The following OAS3 variants were observed in gnomAD, a reference collection of about 807,000 sequenced individuals.
OAS3 encodes the protein 2'-5'-oligoadenylate synthetase 3.
OAS3 carries 107 observed loss-of-function variants against 113.0 expected under a neutral mutation model. The observed-to-expected ratio is 0.95, with a 90% CI of 0.81 to 1.11. OAS3 has a LOEUF of 1.11. OAS3 is among the 50% of genes most tolerant of loss of function. The probability of loss-of-function intolerance (pLI) is 0.00; values close to 1 mark genes in which losing one functional copy is unlikely to be tolerated. For missense variants in OAS3, 1,258 were observed against 1,389.1 expected (o/e 0.91, Z 1.50); for synonymous variants, 552 against 573.6 (o/e 0.96, Z 0.54).
At chr12:112,962,529 C>T (rs2043896268) in intron 8 of OAS3, 123 bp from the exon 9 acceptor site, 1 of 1,196,972 alleles carries the variant, frequency 8.4e-7, no homozygotes, top group Non-Finnish European at 1.2e-6. Context: ...TGAGAAGCAT[C>T]AGCAAGTTTC....
chr12:112,963,001 G>C lies in OAS3; in HGVS notation c.2084+99G>C. On this transcript the variant is annotated intron_variant, in intron 9 of 15. Transcript: ENST00000228928. This position sits in a 1 kb window ranked among gnomAD's most constrained non-coding sequence, Gnocchi z 4.6. ...AGGAGGAGTCCAAGGTAGGGTTTGG[G>C]GTGGCAATCCCACTCCTCACTCTGC... 6.6e-7 allele frequency: 1 copy of C among 1,517,206 alleles called. No homozygotes were observed. The highest frequency in any genetic ancestry group is 9.0e-7 in the Non-Finnish European group (1 of 1,115,650). The allele number at this position is 1,517,206 out of a possible 1,614,324, so 94.0% of individuals were successfully genotyped here.
At chr12:112,950,628 G>T (rs902018107) in intron 6 of OAS3, 65 bp from the exon 7 acceptor site, 3 of 1,566,218 alleles carry the variant, frequency 1.9e-6, no homozygotes, top group Non-Finnish European at 2.6e-6. Flanking sequence ...CGCAGGTGAT[G>T]GGATCGTAGT....
At position 112,969,896 on chromosome 12, in the gene OAS3, G is replaced by A. The variant is rs45465802; in HGVS notation, c.3253-66G>A. The A allele has an allele frequency of 3.9e-3, 6,166 of 1,595,090 alleles. 419 individuals carry two copies. The Admixed American group carries it at 0.1, about 26-fold the overall frequency. On this transcript the variant is annotated intron_variant, in intron 15 of 15. Transcript: ENST00000228928. ...CCCCTGTGCTTCCATTTTCCCATCC[G>A]GCTGTGTGGTCTCAGCTTCTGCAGA...
At chr12:112,943,560 A>G (rs2043699710) in intron 2 of OAS3, among the ~76,000 whole-genome samples, 3 of 152,280 alleles carry the variant, frequency 2.0e-5, no homozygotes, top group South Asian at 4.1e-4. Context: ...CCTCCATCGC[A>G]TGCTGGCTGT....
intron 8 of OAS3, 50 bp from the exon 9 acceptor site, chr12:112,962,602 C>G (rs2043896818): frequency 1.3e-6 from 2 of 1,594,458 alleles, no homozygotes; most frequent in Non-Finnish European, 1.7e-6. Context: ...TGGCCACACT[C>G]AGCTCACATC....
At position 112,942,129 on chromosome 12, in the gene OAS3, T is replaced by C. The variant is rs568143842; in HGVS notation, c.460+277T>C. The C allele has an allele frequency of 5.2e-6, 3 of 578,978 alleles. No homozygotes were observed. The East Asian group carries it at 8.3e-5, about 16-fold the overall frequency. 35.9% of individuals were successfully genotyped at this position (578,978 alleles called of 1,614,324 possible). A position where few individuals can be genotyped will look rare whatever the true frequency, so the allele number is the denominator to read the frequency against. ...CTCAGCCACTGCCTGGAGCGGTTACTGCTCAGCCCTTCCACAAATACTCCC... is the reference window on the plus strand; with the variant it reads ...CTCAGCCACTGCCTGGAGCGGTTACCGCTCAGCCCTTCCACAAATACTCCC... On this transcript the variant is annotated intron_variant, in intron 2 of 15. Coordinates refer to ENST00000228928, the MANE Select transcript of OAS3 (RefSeq NM_006187.4).
chr12:112,946,088 C>T (rs73205234), intron 3 of OAS3, among the ~76,000 whole-genome samples: 22 of 152,214 alleles, frequency 1.4e-4, no homozygotes, highest in East Asian at 7.7e-4. Flanking sequence ...TGTGCACCCA[C>T]GCATGTTTGT....
At chr12:112,966,730 C>T (rs1042116590) in intron 12 of OAS3, among the ~76,000 whole-genome samples, 4 of 152,160 alleles carry the variant, frequency 2.6e-5, no homozygotes, top group Admixed American at 1.3e-4. Flanking sequence ...CAGCCTCAAA[C>T]TCCTGGGCTC....
At chr12:112,960,224 T>C (rs2043870173) in intron 7 of OAS3, among the ~76,000 whole-genome samples, 1 of 152,156 alleles carries the variant, frequency 6.6e-6, no homozygotes, top group South Asian at 2.1e-4. Context: ...GGCTAGATTA[T>C]GCATTAATTT....
rs758183381 is a variant in OAS3, at chr12:112,967,610, G to A, written c.2865+17G>A. 4 of 1,608,642 alleles carry A rather than the reference G, an allele frequency of 2.5e-6. No individual in the cohort carries two copies. In the South Asian group the frequency reaches 4.4e-5, roughly 18 times the overall value. On this transcript the variant is annotated intron_variant, in intron 13 of 15. Transcript: ENST00000228928. ...TACCAGCAGGTTCGGCACATGGATA[G>A]GCCACCTTCCTAAGTTGCCCTGGGA...
chr12:112,963,489 C>T lies in OAS3; in HGVS notation c.2229+32C>T, dbSNP rs757430754. 287 of 1,461,176 alleles carry T rather than the reference C, an allele frequency of 2.0e-4. No individual in the cohort carries two copies. Among genetic ancestry groups the T allele is most frequent in the Non-Finnish European group, 2.5e-4 (280 of 1,098,862 alleles). 90.5% of individuals were successfully genotyped at this position (1,461,176 alleles called of 1,614,324 possible). On this transcript the variant is annotated intron_variant, in intron 10 of 15. Transcript: ENST00000228928. This position sits in a 1 kb window ranked among gnomAD's most constrained non-coding sequence, Gnocchi z 4.6. ...TGGAGGGTCCTGGGGGGCAGGGGGCCCTGCACCCTGCCTTCTAGTCAGGTT... is the reference window on the plus strand; with the variant it reads ...TGGAGGGTCCTGGGGGGCAGGGGGCTCTGCACCCTGCCTTCTAGTCAGGTT...
In OAS3 at chr12:112,963,007, A is replaced by C; in HGVS notation, c.2084+105A>C. 1 of 1,467,266 alleles carries C rather than the reference A, an allele frequency of 6.8e-7. No individual in the cohort carries two copies. Among genetic ancestry groups the C allele is most frequent in the Non-Finnish European group, 9.3e-7 (1 of 1,074,296 alleles). 90.9% of individuals were successfully genotyped at this position (1,467,266 alleles called of 1,614,324 possible). ...AGTCCAAGGTAGGGTTTGGGGTGGC[A>C]ATCCCACTCCTCACTCTGCTTCCCT... On this transcript the variant is annotated intron_variant, in intron 9 of 15. Transcript: ENST00000228928. This position sits in a 1 kb window ranked among gnomAD's most constrained non-coding sequence, Gnocchi z 4.6.
rs754646298 is a variant in OAS3 at position 112,944,461 on chromosome 12, G to A, written c.461-15G>A. On this transcript the variant is annotated splice_polypyrimidine_tract_variant and intron_variant, in intron 2 of 15. Transcript: ENST00000228928. ...CTCAGTGCCCTCCCTAACTCACAGC[G>A]CTTCACACCAACAGGTCAGGCCGGC... is the stretch of plus-strand genomic sequence containing the variant. 1.1e-5 allele frequency: 17 copies of A among 1,613,624 alleles called. No homozygotes were observed. Among genetic ancestry groups the A allele is most frequent in the East Asian group, 8.9e-5 (4 of 44,898 alleles).
rs146156325 is a variant in OAS3, at chr12:112,949,856, T to C, written c.1374+651T>C. On this transcript the variant is annotated intron_variant, in intron 6 of 15. Coordinates refer to ENST00000228928, the MANE Select transcript of OAS3 (RefSeq NM_006187.4). ...CAACATGGTGAAACCCTGTCTCTAC[T>C]GAAAATACAAAAATTAGCTGGGCAT... Among the ~76,000 whole-genome samples the C allele has an allele frequency of 1.2e-4, 18 of 152,208 alleles. No individual in the cohort carries two copies. The East Asian group carries it at 3.3e-3, about 28-fold the overall frequency.
chr12:112,941,910 A>G lies in OAS3; in HGVS notation c.460+58A>G, dbSNP rs2043684327. The stretch of plus-strand genomic sequence containing the variant: ...GGCAAAAGATCATTGGGAACAACAC[A>G]GGACTTCCAATTCTAGCCCAGCCAC... On this transcript the variant is annotated intron_variant, in intron 2 of 15. Transcript: ENST00000228928. 1.9e-6 allele frequency: 3 copies of G among 1,606,146 alleles called. No individual in the cohort carries two copies. The East Asian group carries it at 6.7e-5, about 36-fold the overall frequency.
chr12:112,969,392 T>G, intron 14 of OAS3: 2 of 595,962 alleles, frequency 3.4e-6, no homozygotes, highest in East Asian at 2.8e-5. Flanking sequence ...CCGTGGTTGA[T>G]TAGTAATGTT....
chr12:112,941,967 C>T (rs2043685202), intron 2 of OAS3, 115 bp downstream of exon 2: 4 of 1,301,212 alleles, frequency 3.1e-6, no homozygotes, highest in Non-Finnish European at 4.4e-6. Flanking sequence ...CCAGCCTCTA[C>T]CCCTCTCTCA....
At position 112,954,864 on chromosome 12, in the gene OAS3, A is replaced by G. The variant is rs11066458; in HGVS notation, c.1657+3889A>G. Among the ~76,000 whole-genome samples the G allele has an allele frequency of 0.062, 9,398 of 152,218 alleles. 950 individuals carry two copies. The highest frequency in any genetic ancestry group is 0.21 in the African/African-American group (8,756 of 41,500). On this transcript the variant is annotated intron_variant, in intron 7 of 15. Transcript: ENST00000228928. This position sits in a 1 kb window ranked among gnomAD's most constrained non-coding sequence, Gnocchi z 4.0. Reference sequence around the variant, plus strand: ...TTTTTCCAATTCTGTGAAGAAAGTCATTGGTAGCTTGTTGGGGATGGCATT... The same window carrying G: ...TTTTTCCAATTCTGTGAAGAAAGTCGTTGGTAGCTTGTTGGGGATGGCATT...
chr12:112,939,097 A>C (rs1444277747), intron 1 of OAS3, among the ~76,000 whole-genome samples: 1 of 152,212 alleles, frequency 6.6e-6, no homozygotes, highest in Admixed American at 6.5e-5. Flanking sequence ...ACACTATGCC[A>C]GACCTTAAGG....
Sources: allele counts gnomAD v4.1 joint callset (sites outside exome capture counted in the v4.1 genomes callset), GRCh38; gene constraint gnomAD v4.1.1; non-coding constraint Gnocchi (gnomAD v3.1); transcripts MANE v1.5; gene names NCBI Gene and HGNC (gene_info 2026-07-23, HGNC 2026-07-21).